LIPI: variants seen among roughly 807,000 people sequenced by gnomAD.
LIPI encodes lipase member I.
Under a neutral mutation model 50.6 loss-of-function variants are expected in LIPI, and 59 were observed. The ratio of observed to expected loss-of-function variants is 1.16; its 90% CI spans 0.94 to 1.45. LIPI has a LOEUF of 1.45. Ranked by LOEUF, LIPI falls within the 40% of genes most tolerant of loss-of-function variation. LIPI has a pLI of 0.00. For missense variants in LIPI, 586 were observed against 536.3 expected (o/e 1.09, Z -0.92); for synonymous variants, 203 against 178.2 (o/e 1.14, Z -1.11).
chr21:14,166,595 T>C (rs2018694679), intron 4 of LIPI, 144 bp from the exon 5 acceptor site: 3 of 646,212 alleles, frequency 4.6e-6, no homozygotes, highest in Non-Finnish European at 8.3e-6. Flanking sequence ...TAAAGATAAG[T>C]TTTTCTTCTA....
chr21:14,169,107 A>G (rs1237821467), intron 4 of LIPI, among the ~76,000 whole-genome samples: 1 of 152,214 alleles, frequency 6.6e-6, no homozygotes, highest in Admixed American at 6.5e-5. Flanking sequence ...AGATCAAAAG[A>G]GACAAAGAAG....
chr21:14,172,607 A>G (rs1331364769), intron 4 of LIPI, among the ~76,000 whole-genome samples: 1 of 152,048 alleles, frequency 6.6e-6, no homozygotes, highest in Non-Finnish European at 1.5e-5. Context: ...TCGGTAAACT[A>G]TCGCAAGAAC....
At chr21:14,195,314 A>T (rs143553799) in intron 1 of LIPI, among the ~76,000 whole-genome samples, 83 of 152,272 alleles carry the variant, frequency 5.5e-4, no homozygotes, top group African/African-American at 1.9e-3. Context: ...AAAGCTGAAC[A>T]ATTTTCGAGG....
At chr21:14,120,133 G>T (rs2016808155) in intron 9 of LIPI, among the ~76,000 whole-genome samples, 1 of 152,186 alleles carries the variant, frequency 6.6e-6, no homozygotes, top group South Asian at 2.1e-4. Context: ...AGTGGATGAA[G>T]TCTTTTCAAG....
chr21:14,167,495 C>T (rs970377421), intron 4 of LIPI, among the ~76,000 whole-genome samples: 1 of 152,066 alleles, frequency 6.6e-6, no homozygotes, highest in African/African-American at 2.4e-5. Context: ...CTCACACAGC[C>T]GGGTACTCCT....
At chr21:14,125,104 C>T (rs189546510) in intron 9 of LIPI, among the ~76,000 whole-genome samples, 86 of 152,240 alleles carry the variant, frequency 5.6e-4, no homozygotes, top group African/African-American at 2.0e-3. Context: ...TCACTACCAG[C>T]ACTATACTAC....
At chr21:14,146,171 T>C (rs1340242846) in intron 8 of LIPI, among the ~76,000 whole-genome samples, 1 of 152,076 alleles carries the variant, frequency 6.6e-6, no homozygotes, top group Non-Finnish European at 1.5e-5. Context: ...GTATGCTAAG[T>C]TTTAGTTACA....
intron 6 of LIPI, among the ~76,000 whole-genome samples, 179 bp downstream of exon 6, chr21:14,165,044 A>T (rs1463784563): frequency 6.6e-6 from 1 of 152,168 alleles, no homozygotes; most frequent in East Asian, 1.9e-4. Flanking sequence ...TATATTAAAA[A>T]TGTTTAGTAG....
intron 7 of LIPI, among the ~76,000 whole-genome samples, chr21:14,155,247 A>G (rs879336233): frequency 1.3e-5 from 2 of 151,974 alleles, no homozygotes; most frequent in Admixed American, 6.6e-5. Context: ...AGAGATAATA[A>G]AAGAAGAAAT....
intron 7 of LIPI, among the ~76,000 whole-genome samples, chr21:14,160,652 C>T (rs1269689948): frequency 2.6e-5 from 4 of 151,362 alleles, no homozygotes; most frequent in Non-Finnish European, 4.4e-5. Flanking sequence ...AATTACTCCT[C>T]ATCAAAACTA....
chr21:14,145,934 C>T (rs1488285759), intron 8 of LIPI, among the ~76,000 whole-genome samples: 1 of 152,148 alleles, frequency 6.6e-6, no homozygotes, highest in Non-Finnish European at 1.5e-5. Context: ...TCCATTTCTG[C>T]TACCTCCTGG....
At chr21:14,178,125 TG>T (rs2019155717) in intron 4 of LIPI, among the ~76,000 whole-genome samples, 1 of 152,164 alleles carries the variant, frequency 6.6e-6, no homozygotes. Flanking sequence ...GGTTTGATGA[TG>T]GCCTTTTCTG....
chr21:14,139,684 A>C (rs957708808), intron 9 of LIPI, among the ~76,000 whole-genome samples: 3 of 152,172 alleles, frequency 2.0e-5, no homozygotes, highest in African/African-American at 7.2e-5. Context: ...AGGTAAGAGG[A>C]TTGATAGTGG....
chr21:14,132,528 A>C (rs185495362), intron 9 of LIPI, among the ~76,000 whole-genome samples: 1 of 152,330 alleles, frequency 6.6e-6, no homozygotes. Context: ...AAATGCAAAG[A>C]AAATTTTTCA....
At chr21:14,188,251 C>T (rs1046217870) in intron 2 of LIPI, among the ~76,000 whole-genome samples, 2 of 152,170 alleles carry the variant, frequency 1.3e-5, no homozygotes, top group Non-Finnish European at 2.9e-5. Context: ...TTGAATGAAT[C>T]TGATGTTCAC....
chr21:14,189,994 A>T (rs1202859903), intron 1 of LIPI, among the ~76,000 whole-genome samples: 2 of 152,110 alleles, frequency 1.3e-5, no homozygotes, highest in African/African-American at 4.8e-5. Flanking sequence ...AACTTAACAA[A>T]TCTTTTTCTT....
intron 9 of LIPI, among the ~76,000 whole-genome samples, chr21:14,132,513 C>A (rs535457148): frequency 1.3e-5 from 2 of 152,074 alleles, no homozygotes; most frequent in Admixed American, 1.3e-4. Flanking sequence ...ATTTCCCAGA[C>A]AAGCAAATGC....
At chr21:14,151,292 G>A (rs1204022033) in intron 8 of LIPI, among the ~76,000 whole-genome samples, 1 of 152,136 alleles carries the variant, frequency 6.6e-6, no homozygotes, top group Non-Finnish European at 1.5e-5. Context: ...GTTTGTGAAT[G>A]TGCAAATAAA....
chr21:14,135,825 G>T (rs1368186166), intron 9 of LIPI, among the ~76,000 whole-genome samples: 5 of 152,140 alleles, frequency 3.3e-5, no homozygotes, highest in African/African-American at 7.2e-5. Flanking sequence ...ACATCAGTTA[G>T]GGAAGTTAAG....
Sources: gnomAD v4.1 joint callset for allele counts (sites outside exome capture counted in the v4.1 genomes callset) on GRCh38, gnomAD v4.1.1 for gene constraint, MANE v1.5 for transcripts, NCBI Gene and HGNC (gene_info 2026-07-23, HGNC 2026-07-21) for gene names.